ERLN: variants seen among roughly 807,000 people sequenced by gnomAD.
ERLN encodes the protein endoregulin.
the ERLN span, chr17:75,647,611 C>T: frequency 6.5e-7 from 1 of 1,534,328 alleles, no homozygotes; most frequent in African/African-American, 1.4e-5. Flanking sequence ...GGCGAGCTGA[C>T]CTGCCCCCAT....
the ERLN span, chr17:75,646,742 C>T: frequency 6.6e-6 from 1 of 152,472 alleles, no homozygotes; most frequent in South Asian, 2.1e-4. Flanking sequence ...AAGGACCACC[C>T]TGAATTGCCC....
the ERLN span, chr17:75,647,619 C>T: frequency 6.6e-7 from 1 of 1,522,032 alleles, no homozygotes; most frequent in Non-Finnish European, 8.9e-7. Context: ...GACCTGCCCC[C>T]ATTCCAGTGG....
At chr17:75,646,282 C>G in the ERLN span, 1 of 152,424 alleles carries the variant, frequency 6.6e-6, no homozygotes, top group Non-Finnish European at 1.5e-5. Context: ...GTGAGCCCTA[C>G]GCCAGTCCCA....
At chr17:75,647,486 T>C in the ERLN span, 1 of 1,550,402 alleles carries the variant, frequency 6.4e-7, no homozygotes, top group Non-Finnish European at 8.7e-7. Flanking sequence ...GCTGTCCTGC[T>C]TCTCATCTTA....
chr17:75,647,955 A>G, the ERLN span: 3 of 183,116 alleles, frequency 1.6e-5, no homozygotes, highest in Non-Finnish European at 3.8e-5. Flanking sequence ...AATGAAATAA[A>G]AATTCCTTTT....
the ERLN span, chr17:75,647,530 G>C: frequency 7.1e-6 from 11 of 1,550,240 alleles, no homozygotes; most frequent in African/African-American, 1.4e-5. Flanking sequence ...CACTTCCACA[G>C]AAAACACTCA....
At chr17:75,647,242 C>G in the ERLN span, 3 of 722,206 alleles carry the variant, frequency 4.2e-6, no homozygotes, top group South Asian at 5.7e-5. Context: ...TTCATGTCCC[C>G]TGGCTGCCAG....
At chr17:75,646,512 G>A in the ERLN span, 1 of 152,346 alleles carries the variant, frequency 6.6e-6, no homozygotes, top group Non-Finnish European at 1.5e-5. Context: ...GGGCAGAAAG[G>A]AGCTGAAGGG....
chr17:75,647,305 G>A, the ERLN span: 1 of 1,395,202 alleles, frequency 7.2e-7, no homozygotes. Flanking sequence ...GGCGGGCAGA[G>A]CATAGCACCT....
At chr17:75,647,828 T>C in the ERLN span, 1 of 399,520 alleles carries the variant, frequency 2.5e-6, no homozygotes, top group South Asian at 4.9e-5. Flanking sequence ...TAAAAGCACA[T>C]GGAGAGGATG....
chr17:75,647,788 A>G, the ERLN span: 7 of 522,934 alleles, frequency 1.3e-5, no homozygotes, highest in East Asian at 3.3e-5. Context: ...CCTTGACCCT[A>G]TTGTTTTTAG....
At chr17:75,647,341 G>C in the ERLN span, 1 of 1,517,876 alleles carries the variant, frequency 6.6e-7, no homozygotes, top group Non-Finnish European at 8.9e-7. Context: ...AGGGCTGCCT[G>C]CACTCAGGTC....
the ERLN span, chr17:75,646,624 TG>T: frequency 6.6e-6 from 1 of 152,306 alleles, no homozygotes; most frequent in African/African-American, 2.4e-5. Flanking sequence ...CAGGGCCGCT[TG>T]GCCACGCTCA....
At chr17:75,647,491 A>T in the ERLN span, 1 of 1,550,316 alleles carries the variant, frequency 6.5e-7, no homozygotes, top group Non-Finnish European at 8.7e-7. Context: ...CCTGCTTCTC[A>T]TCTTATTTGC....
the ERLN span, among the ~76,000 whole-genome samples, chr17:75,647,015 T>C: frequency 6.6e-6 from 1 of 152,200 alleles, no homozygotes; most frequent in Non-Finnish European, 1.5e-5. Flanking sequence ...GACTCTATCA[T>C]GATGCTTTTT....
At chr17:75,647,306 C>A in the ERLN span, 2 of 1,397,424 alleles carry the variant, frequency 1.4e-6, no homozygotes, top group Admixed American at 2.2e-5. Flanking sequence ...GCGGGCAGAG[C>A]ATAGCACCTG....
At chr17:75,647,374 C>A in the ERLN span, 1 of 1,547,102 alleles carries the variant, frequency 6.5e-7, no homozygotes. Flanking sequence ...TTTCCAGATT[C>A]TCATGGACCA....
At chr17:75,647,359 C>G in the ERLN span, 1 of 1,540,682 alleles carries the variant, frequency 6.5e-7, no homozygotes, top group Non-Finnish European at 8.8e-7. Flanking sequence ...GTCCTCTGTC[C>G]CTCTTTTCCA....
the ERLN span, chr17:75,647,751 G>A: frequency 8.4e-5 from 52 of 615,630 alleles, 1 homozygote; most frequent in South Asian, 1.1e-3. Context: ...GTAAGATGGG[G>A]AGGCTGGTCT....
Sources: gnomAD v4.1 joint callset for allele counts (sites outside exome capture counted in the v4.1 genomes callset) on GRCh38, gnomAD v4.1.1 for gene constraint, MANE v1.5 for transcripts, NCBI Gene and HGNC (gene_info 2026-07-23, HGNC 2026-07-21) for gene names.